Variants in FNBP4 observed in about 807,000 individuals in gnomAD.
FNBP4 encodes formin binding protein 4.
In FNBP4, 34 loss-of-function variants were observed where a neutral mutation model predicts 119.3. The observed-to-expected ratio is 0.28, with a 90% confidence interval of 0.22 to 0.38. The LOEUF (loss-of-function observed/expected upper bound fraction) is 0.38. FNBP4 is among the 10% of genes least tolerant of loss of function. The pLI, the probability that FNBP4 is intolerant of heterozygous loss-of-function variation, is 1.00. For synonymous variants in FNBP4, 462 were observed against 430.6 expected, an observed-to-expected ratio of 1.07 and a Z score of -0.90; for missense variants, 1,112 against 1,228.9, an observed-to-expected ratio of 0.90 and a Z score of 1.42.
chr11:47,757,455 G>A lies in FNBP4; in HGVS notation c.314-2791C>T, dbSNP rs180948467. Reference sequence around the variant, plus strand: ...TCTTGATCTCCTGACCTCGTGACCCGCCCACCTCGGCCTCCCAAAGTGCTG... The same window carrying A: ...TCTTGATCTCCTGACCTCGTGACCCACCCACCTCGGCCTCCCAAAGTGCTG... On this transcript the variant is annotated intron_variant, in intron 2 of 16. Transcript: ENST00000263773. Among the ~76,000 whole-genome samples the A allele has an allele frequency of 4.0e-3, 610 of 151,972 alleles. 29 individuals are homozygous for A. The East Asian group carries it at 0.11, about 27-fold the overall frequency.
intron 9 of FNBP4, among the ~76,000 whole-genome samples, chr11:47,734,717 G>C (rs1309685151): frequency 6.6e-6 from 1 of 152,110 alleles, no homozygotes; most frequent in Non-Finnish European, 1.5e-5. Context: ...GCTCACACCT[G>C]TAATCCCAGC....
intron 7 of FNBP4, among the ~76,000 whole-genome samples, chr11:47,745,605 T>TCA (rs1424702772): frequency 2.0e-5 from 3 of 152,124 alleles, no homozygotes; most frequent in East Asian, 3.8e-4. Flanking sequence ...TAGACCCTTA[T>TCA]CAGTACCTTT....
At chr11:47,736,592 A>G in intron 9 of FNBP4, 24 bp downstream of exon 9, 1 of 1,537,638 alleles carries the variant, frequency 6.5e-7, no homozygotes, top group Non-Finnish European at 8.8e-7. Flanking sequence ...AAATTTGTCA[A>G]GTTGCATTAA....
intron 12 of FNBP4, chr11:47,726,248 A>G (rs1599164866): frequency 6.6e-6 from 1 of 152,078 alleles, no homozygotes; most frequent in Non-Finnish European, 1.5e-5. Flanking sequence ...CAAAGCAACC[A>G]TGAGCCATTT....
At chr11:47,726,659 AC>A (rs2097561390) in intron 12 of FNBP4, 1 of 152,114 alleles carries the variant, frequency 6.6e-6, no homozygotes, top group African/African-American at 2.4e-5. Flanking sequence ...GACTCATTAA[AC>A]TTTTATATTT....
intron 1 of FNBP4, among the ~76,000 whole-genome samples, chr11:47,766,739 T>G (rs1260210430): frequency 1.3e-5 from 2 of 152,252 alleles, no homozygotes; most frequent in East Asian, 3.8e-4. Flanking sequence ...ACGCGGAAAC[T>G]CATCCTCACA....
Position 47,717,119 on chromosome 11 carries a change from T to G in FNBP4, c.*303A>C, listed in dbSNP as rs1476404354. 1 of 235,912 alleles carries G rather than the reference T, an allele frequency of 4.2e-6. No individual in the cohort carries two copies. Among genetic ancestry groups the G allele is most frequent in the Non-Finnish European group, 8.2e-6 (1 of 121,672 alleles). The allele number at this position is 235,912 out of a possible 1,614,324, so 14.6% of individuals were successfully genotyped here. On this transcript the variant is annotated 3_prime_UTR_variant, in exon 17 of 17. Transcript: ENST00000263773. ...TTTGTCAGGGAGTCCTCTACAGAAG[T>G]GTTATACTCATGAGCCACATGTTCT...
chr11:47,731,704 C>G (rs2097567636), intron 11 of FNBP4, 143 bp from the exon 12 acceptor site: 1 of 1,406,044 alleles, frequency 7.1e-7, no homozygotes, highest in Non-Finnish European at 9.2e-7. Flanking sequence ...CAACAAAGAG[C>G]TTTGACAATT....
In FNBP4 at chr11:47,746,399, A is replaced by T. The variant is rs764244638; in HGVS notation, c.907-5T>A. On this transcript the variant is annotated splice_region_variant and splice_polypyrimidine_tract_variant and intron_variant, in intron 6 of 16. Coordinates refer to ENST00000263773, the MANE Select transcript of FNBP4 (RefSeq NM_015308.5). ...CTGAATTCCTTCATTTACTTCCTAT[A>T]AAGAACAAAATAATTTAGTCTCATT... The T allele has an allele frequency of 1.3e-6, 2 of 1,579,170 alleles. No homozygotes were observed.
At position 47,728,848 on chromosome 11, in the gene FNBP4, CTTTTTTTTTT is replaced by C. The variant is rs35490791; in HGVS notation, c.2008+2516_2008+2525del. On this transcript the variant is annotated intron_variant, in intron 12 of 16. Coordinates refer to ENST00000263773, the MANE Select transcript of FNBP4 (RefSeq NM_015308.5). ...CTAAGAACCTTGCTTCTGTAGGCGT[CTTTTTTTTTT>C]TTTTTTTTTTTAGATAAAGAGTTTT... Among the ~76,000 whole-genome samples the C allele has an allele frequency of 3.5e-5, 4 of 113,560 alleles. No individual in the cohort carries two copies. In the South Asian group the frequency reaches 9.9e-4, roughly 28 times the overall value. The allele number at this position is 113,560 out of a possible 152,430, so 74.5% of individuals were successfully genotyped here. A position where few individuals can be genotyped will look rare whatever the true frequency, so the allele number is the denominator to read the frequency against.
chr11:47,756,760 G>A (rs754246170), intron 2 of FNBP4, among the ~76,000 whole-genome samples: 60 of 150,662 alleles, frequency 4.0e-4, no homozygotes, highest in Admixed American at 2.3e-3. Context: ...TGTTCTCATT[G>A]TTCAATTCCT....
Position 47,723,068 on chromosome 11 carries a change from G to T in FNBP4, c.2713C>A (p.Pro905Thr), listed in dbSNP as rs745953562. The change falls in exon 15 of 17, where the codon CCA (proline) becomes ACA (threonine). Residue 905 changes from proline to threonine, a missense_variant. Pro to Thr is a conservative substitution (Grantham distance 38). Coordinates refer to ENST00000263773, the MANE Select transcript of FNBP4 (RefSeq NM_015308.5). ...GGAGGAGGAGGAGGTGGTGGTGGTGGTTCTATAATGGTAGCGGTAGGCACA... is the reference window on the plus strand; with the variant it reads ...GGAGGAGGAGGAGGTGGTGGTGGTGTTTCTATAATGGTAGCGGTAGGCACA... ...GAVPTATIIE[P>T]PPPPPPPPPP... The T allele has an allele frequency of 1.9e-6, 3 of 1,605,734 alleles. No individual in the cohort carries two copies. The highest frequency in any genetic ancestry group is 2.6e-6 in the Non-Finnish European group (3 of 1,176,056).
Position 47,720,569 on chromosome 11 carries a change from A to AAAATAAAT in FNBP4, c.2806-491_2806-484dup, listed in dbSNP as rs57442336. The stretch of plus-strand genomic sequence containing the variant: ...CTACAGAGGGAGACTCCGTCTCAAA[A>AAAATAAAT]AAATAAATAAATAAATAAATAAATA... On this transcript the variant is annotated intron_variant, in intron 15 of 16. Transcript: ENST00000263773. Among the ~76,000 whole-genome samples, 91 of 149,196 alleles carry AAAATAAAT rather than the reference A, an allele frequency of 6.1e-4. 1 individual carries two copies. The highest frequency in any genetic ancestry group is 2.4e-3 in the East Asian group (12 of 5,078).
At chr11:47,731,591 TA>T (rs768000793) in intron 11 of FNBP4, 30 bp from the exon 12 acceptor site, 1 of 1,582,402 alleles carries the variant, frequency 6.3e-7, no homozygotes, top group South Asian at 1.2e-5. Flanking sequence ...ACACATGTTT[TA>T]AAACCCGTTC....
intron 12 of FNBP4, chr11:47,726,732 T>A (rs1324683825): frequency 4.6e-5 from 7 of 152,242 alleles, no homozygotes; most frequent in African/African-American, 1.7e-4. Flanking sequence ...GGCCAAGTAG[T>A]CTACATTATA....
intron 1 of FNBP4, among the ~76,000 whole-genome samples, chr11:47,765,679 G>A (rs2097646261): frequency 6.7e-6 from 1 of 149,258 alleles, no homozygotes. Flanking sequence ...TAGGCATGAT[G>A]GCACTCGCTT....
chr11:47,750,425 C>T (rs1201720841), intron 6 of FNBP4, among the ~76,000 whole-genome samples: 1 of 131,326 alleles, frequency 7.6e-6, no homozygotes, highest in Non-Finnish European at 1.6e-5. Context: ...TGTGGTGGCT[C>T]ACGCTTGTAA....
At chr11:47,729,678 TA>T (rs1459081519) in intron 12 of FNBP4, 12 of 982,646 alleles carry the variant, frequency 1.2e-5, no homozygotes, top group Non-Finnish European at 1.5e-5. Flanking sequence ...TATGCCTGGC[TA>T]ACTTTTTAAA....
chr11:47,748,344 T>C (rs932701596), intron 6 of FNBP4, among the ~76,000 whole-genome samples: 2 of 151,896 alleles, frequency 1.3e-5, no homozygotes, highest in African/African-American at 2.4e-5. Context: ...GCTTCTCCCA[T>C]TGGGGTAACA....
Sources: allele counts gnomAD v4.1 joint callset (sites outside exome capture counted in the v4.1 genomes callset), GRCh38; gene constraint gnomAD v4.1.1; transcripts MANE v1.5; gene names NCBI Gene and HGNC (gene_info 2026-07-23, HGNC 2026-07-21).